SLC6A2: variants seen among roughly 807,000 people sequenced by gnomAD.
SLC6A2 encodes the protein solute carrier family 6 member 2.
In SLC6A2, 26 loss-of-function variants were observed where a neutral mutation model predicts 71.7. The observed-to-expected ratio is 0.36, with a 90% CI of 0.27 to 0.50. SLC6A2 has a LOEUF of 0.50. Ranked by LOEUF, SLC6A2 falls within the 20% of genes least tolerant of loss-of-function variation. The probability of loss-of-function intolerance (pLI) is 0.96; values close to 1 mark genes in which losing one functional copy is unlikely to be tolerated. For missense variants in SLC6A2, 581 were observed against 803.9 expected (o/e 0.72, Z 3.35); for synonymous variants, 363 against 337.9 (o/e 1.07, Z -0.82).
intron 2 of SLC6A2, among the ~76,000 whole-genome samples, chr16:55,662,542 T>A (rs1195024088): frequency 6.6e-6 from 1 of 152,192 alleles, no homozygotes; most frequent in Non-Finnish European, 1.5e-5. Context: ...TGGGTCATAT[T>A]TCCCTCTGTG....
intron 4 of SLC6A2, among the ~76,000 whole-genome samples, chr16:55,678,386 G>A (rs576014099): frequency 6.6e-6 from 1 of 152,046 alleles, no homozygotes; most frequent in South Asian, 2.1e-4. Context: ...CTCAGTTTGG[G>A]GACCCAGTGA....
In SLC6A2 at chr16:55,696,229, T is replaced by C. The variant is rs560583781; in HGVS notation, c.1152T>C (p.Ala384=). The change falls in exon 9 of 15, where the codon GCT becomes GCC. Residue 384 remains alanine (A), a synonymous_variant. Transcript: ENST00000568943. ...GGTCCTTGATGTTTCTTACAGGAGC[T>C]GGCCTAGTGTTCATCCTGTATCCAG... ...VNIEDVATEG[A]GLVFILYPEA... The C allele has an allele frequency of 3.1e-6, 5 of 1,593,850 alleles. No homozygotes were observed. The East Asian group carries it at 1.1e-4, about 36-fold the overall frequency.
intron 8 of SLC6A2, among the ~76,000 whole-genome samples, chr16:55,695,620 G>A (rs1350318575): frequency 6.6e-6 from 1 of 152,210 alleles, no homozygotes. Flanking sequence ...CTCTGAGTCA[G>A]GGTGGAAGGA....
rs1206699786 is a variant in SLC6A2, at chr16:55,703,881, G to T, written c.*1535G>T. ...GGGACCAGGGTGGGGCAGGGAGATG[G>T]TTTTGTCTCCCAGGGTCCTGAGGTT... is the stretch of plus-strand genomic sequence containing the variant. On this transcript the variant is annotated 3_prime_UTR_variant, in exon 15 of 15. Coordinates refer to ENST00000568943, the MANE Select transcript of SLC6A2 (RefSeq NM_001172501.3). The T allele has an allele frequency of 2.3e-6, 2 of 888,128 alleles. No individual in the cohort carries two copies. The highest frequency in any genetic ancestry group is 2.7e-6 in the Non-Finnish European group (2 of 741,350). The allele number at this position is 888,128 out of a possible 1,614,324, so 55.0% of individuals were successfully genotyped here.
At chr16:55,696,958 TG>T (rs1489982027) in intron 9 of SLC6A2, among the ~76,000 whole-genome samples, 1 of 152,208 alleles carries the variant, frequency 6.6e-6, no homozygotes, top group Non-Finnish European at 1.5e-5. Flanking sequence ...CACTTCAACC[TG>T]GGTAGAGTGA....
intron 14 of SLC6A2, 72 bp from the exon 15 acceptor site, chr16:55,702,251 G>T: frequency 6.9e-7 from 1 of 1,459,812 alleles, no homozygotes; most frequent in Admixed American, 1.7e-5. Context: ...ACCTCCTGCT[G>T]CCCCCGCCAG....
intron 4 of SLC6A2, 66 bp from the exon 5 acceptor site, chr16:55,685,077 G>T (rs1965405915): frequency 2.0e-6 from 3 of 1,520,450 alleles, no homozygotes; most frequent in Admixed American, 1.7e-5. Context: ...ACTGGTCTGT[G>T]GTCACGGCCT....
chr16:55,699,154 A>G (rs1036935031), intron 11 of SLC6A2, among the ~76,000 whole-genome samples: 4 of 152,158 alleles, frequency 2.6e-5, no homozygotes, highest in African/African-American at 9.7e-5. Flanking sequence ...AAGAGATTCA[A>G]TGGAAGAGTC....
chr16:55,697,663 G>T (rs1566652), intron 9 of SLC6A2, among the ~76,000 whole-genome samples: 44,076 of 152,076 alleles, frequency 0.29, 7,236 homozygotes, highest in Middle Eastern at 0.39. Flanking sequence ...GGGGAGACAG[G>T]TGTTGACTTA....
At chr16:55,690,731 T>G (rs1234933155) in intron 5 of SLC6A2, among the ~76,000 whole-genome samples, 2 of 152,208 alleles carry the variant, frequency 1.3e-5, no homozygotes, top group East Asian at 3.8e-4. Context: ...AATACTCATT[T>G]CAGGCCTACC....
intron 2 of SLC6A2, among the ~76,000 whole-genome samples, chr16:55,658,470 G>A (rs1260430401): frequency 1.3e-5 from 2 of 151,936 alleles, no homozygotes; most frequent in Admixed American, 6.5e-5. Context: ...CCAAGATCAC[G>A]CCACTGCACT....
At chr16:55,700,347 G>C (rs775076782) in intron 13 of SLC6A2, 41 bp downstream of exon 13, 1 of 1,562,490 alleles carries the variant, frequency 6.4e-7, no homozygotes, top group East Asian at 2.3e-5. Flanking sequence ...GTGGGAGGGG[G>C]CTGAGGGGGA....
intron 4 of SLC6A2, among the ~76,000 whole-genome samples, 156 bp from the exon 5 acceptor site, chr16:55,684,987 G>A (rs1965402770): frequency 6.6e-6 from 1 of 152,260 alleles, no homozygotes; most frequent in South Asian, 2.1e-4. Flanking sequence ...TCAGGCCCAT[G>A]TGGTGCATGG....
chr16:55,702,592 C>G lies in SLC6A2; in HGVS notation c.*246C>G. 1 of 1,413,932 alleles carries G rather than the reference C, an allele frequency of 7.1e-7. No individual in the cohort carries two copies. Among genetic ancestry groups the G allele is most frequent in the Middle Eastern group, 2.6e-4 (1 of 3,830 alleles). 87.6% of individuals were successfully genotyped at this position (1,413,932 alleles called of 1,614,324 possible). On this transcript the variant is annotated 3_prime_UTR_variant, in exon 15 of 15. Transcript: ENST00000568943. Reference sequence around the variant, plus strand: ...AGGAAAATGACTTCTGTTCTGTCCCCGCTGTTTTGGGGGAAGTCTCTCCCA... The same window carrying G: ...AGGAAAATGACTTCTGTTCTGTCCCGGCTGTTTTGGGGGAAGTCTCTCCCA...
At chr16:55,672,380 G>A (rs1964949672) in intron 4 of SLC6A2, among the ~76,000 whole-genome samples, 2 of 152,192 alleles carry the variant, frequency 1.3e-5, no homozygotes, top group Admixed American at 1.3e-4. Context: ...TCTGGGGCAG[G>A]GAAGTGGAGG....
chr16:55,671,915 C>T (rs1489456637), intron 3 of SLC6A2, 23 bp from the exon 4 acceptor site: 1 of 1,613,944 alleles, frequency 6.2e-7, no homozygotes, highest in Admixed American at 1.7e-5. Context: ...GAGACTCCTA[C>T]CTTACCCCCT....
intron 9 of SLC6A2, 59 bp downstream of exon 9, chr16:55,696,396 C>T (rs1301282440): frequency 1.0e-6 from 1 of 996,900 alleles, no homozygotes. Context: ...CCCCCTTCCC[C>T]AACACACAGT....
chr16:55,684,883 G>A (rs1227287771), intron 4 of SLC6A2, among the ~76,000 whole-genome samples: 2 of 152,184 alleles, frequency 1.3e-5, no homozygotes, highest in East Asian at 1.9e-4. Flanking sequence ...AGAGATTTTT[G>A]TCTTTTAAAA....
At chr16:55,666,679 T>A (rs1449112297) in intron 2 of SLC6A2, among the ~76,000 whole-genome samples, 1 of 152,190 alleles carries the variant, frequency 6.6e-6, no homozygotes, top group Non-Finnish European at 1.5e-5. Flanking sequence ...CCTTTTCTCA[T>A]GTTACTGTGC....
Sources: gnomAD v4.1 joint callset for allele counts (sites outside exome capture counted in the v4.1 genomes callset) on GRCh38, gnomAD v4.1.1 for gene constraint, MANE v1.5 for transcripts, NCBI Gene and HGNC (gene_info 2026-07-23, HGNC 2026-07-21) for gene names.